Variants in ASMT observed in about 807,000 individuals in gnomAD.
ASMT encodes the protein acetylserotonin O-methyltransferase.
A neutral mutation model predicts 41.3 loss-of-function variants in ASMT; 53 were observed. That is an observed-to-expected ratio of 1.28 (90% confidence interval 1.03 to 1.61). The LOEUF is 1.61. Ranked by LOEUF, ASMT falls within the 40% of genes most tolerant of loss-of-function variation. The probability of loss-of-function intolerance (pLI) is 0.00; values close to 1 mark genes in which losing one functional copy is unlikely to be tolerated. For synonymous variants in ASMT, 231 were observed against 184.8 expected (o/e 1.25, Z -2.03); for missense variants, 531 against 441.3 (o/e 1.20, Z -1.82).
intron 4 of ASMT, among the ~76,000 whole-genome samples, chrX:1,628,315 C>G (rs1438092929): frequency 9.9e-5 from 15 of 152,250 alleles, no homozygotes; most frequent in Middle Eastern, 3.4e-3. Context: ...GAGTGAAACT[C>G]CATCTCAAAA....
At chrX:1,640,541 G>A (rs768015556) in intron 8 of ASMT, among the ~76,000 whole-genome samples, 3,469 of 44,320 alleles carry the variant, frequency 0.078, 94 homozygotes, top group Non-Finnish European at 0.088. Context: ...TGTGTATGAT[G>A]GGGACAGTGT....
chrX:1,616,454 G>A (rs1321095128), intron 1 of ASMT, among the ~76,000 whole-genome samples: 18 of 151,416 alleles, frequency 1.2e-4, no homozygotes, highest in East Asian at 1.9e-4. Flanking sequence ...GCAGGACTGC[G>A]GAGGGAGTGT....
chrX:1,629,920 A>G lies in ASMT; in HGVS notation c.543A>G (p.Pro181=). ...CCGCCTTTGACCTGTCAGTGTTCCC[A>G]CTTATGTGTGACCTTGGTGGTAAGT... ...VLTAFDLSVF[P]LMCDLGGTWI... The change falls in exon 5 of 9, where the codon CCA becomes CCG. Residue 181 remains proline, a synonymous_variant. Coordinates refer to ENST00000381241, the MANE Select transcript of ASMT (RefSeq NM_001171038.2). 2 of 1,613,828 alleles carry G rather than the reference A, an allele frequency of 1.2e-6. No individual in the cohort carries two copies. The highest frequency in any genetic ancestry group is 1.7e-6 in the Non-Finnish European group (2 of 1,179,800).
At position 1,615,151 on chromosome X, in the gene ASMT, A is replaced by G. The variant is rs1313192261; in HGVS notation, c.-49A>G. ...TTGCCAGCAGGCTCTGTGCTCCTTG[A>G]AGCAAGCGCTCCAGAGGCTCCGGAA... On this transcript the variant is annotated 5_prime_UTR_variant, in exon 1 of 9. Transcript: ENST00000381241. The G allele has an allele frequency of 6.5e-7, 1 of 1,537,444 alleles. No individual in the cohort carries two copies. The highest frequency in any genetic ancestry group is 1.4e-5 in the African/African-American group (1 of 73,200).
rs369919139 is a variant in ASMT at position 1,627,756 on chromosome X, T to C, written c.428T>C (p.Phe143Ser). The change falls in exon 4 of 9, where the codon TTT (phenylalanine) becomes TCT (serine). Residue 143 changes from phenylalanine (F) to serine (S), a missense_variant. Physicochemically the swap from Phe to Ser is radical, Grantham distance 155. Transcript: ENST00000381241. ...ETFGVPAEEL[F>S]TAIYRSEGER... ...TTTGGCGTTCCCGCTGAAGAGCTTT[T>C]TACGGCCATCTACAGGTAACACCCA... 1.3e-4 allele frequency: 209 copies of C among 1,613,864 alleles called. No individual in the cohort carries two copies. Among genetic ancestry groups the C allele is most frequent in the Non-Finnish European group, 1.7e-4 (201 of 1,179,852 alleles).
At chrX:1,615,584 C>T (rs1374132152) in intron 1 of ASMT, among the ~76,000 whole-genome samples, 2 of 151,984 alleles carry the variant, frequency 1.3e-5, no homozygotes, top group Non-Finnish European at 2.9e-5. Context: ...GGGCGGATCA[C>T]CTGAGGTCGG....
chrX:1,637,103 G>A (rs1935014939), intron 8 of ASMT, among the ~76,000 whole-genome samples: 1 of 107,566 alleles, frequency 9.3e-6, no homozygotes. Context: ...CTGTGTCCCA[G>A]CTCTCCTGTG....
intron 4 of ASMT, 41 bp from the exon 5 acceptor site, chrX:1,629,780 C>A: frequency 6.3e-7 from 1 of 1,594,644 alleles, no homozygotes; most frequent in Non-Finnish European, 8.6e-7. Flanking sequence ...GGCACGTCCC[C>A]AGATCCTCAC....
chrX:1,628,830 T>TCTC (rs34243739), intron 4 of ASMT, among the ~76,000 whole-genome samples: 105,137 of 146,434 alleles, frequency 0.72, 37,370 homozygotes, highest in Middle Eastern at 0.78. Flanking sequence ...TCTCCCGTCT[T>TCTC]CTTTCTCTCA....
chrX:1,627,633 CGAAAT>C (rs542448808), intron 3 of ASMT, 65 bp from the exon 4 acceptor site: 13,004 of 1,199,370 alleles, frequency 0.011, 110 homozygotes, highest in African/African-American at 0.021. Flanking sequence ...CGAAATGAAA[CGAAAT>C]GAAATGAAAT....
In ASMT at chrX:1,642,914, C is replaced by A. The variant is rs1225283581; in HGVS notation, c.1022C>A (p.Thr341Asn). ...MLVQTEGQER[T>N]PTHYHMLLSS... Reference sequence around the variant, plus strand: ...GTGCAGACGGAAGGGCAGGAGAGGACCCCCACCCACTACCACATGCTCCTC... The same window carrying A: ...GTGCAGACGGAAGGGCAGGAGAGGAACCCCACCCACTACCACATGCTCCTC... The change falls in exon 9 of 9, where the codon ACC becomes AAC. Residue 341 changes from threonine (T) to asparagine (N), a missense_variant. By Grantham distance (65) the Thr-to-Asn change is moderately conservative (BLOSUM62 0). Coordinates refer to ENST00000381241, the MANE Select transcript of ASMT (RefSeq NM_001171038.2). 5.0e-6 allele frequency: 8 copies of A among 1,613,830 alleles called. No homozygotes were observed. The highest frequency in any genetic ancestry group is 4.0e-5 in the African/African-American group (3 of 74,926).
Position 1,629,930 on chromosome X carries a change from G to T in ASMT, c.553G>T (p.Asp185Tyr), listed in dbSNP as rs764224854. The change falls in exon 5 of 9, where the codon GAC becomes TAC. Residue 185 changes from aspartate to tyrosine, a missense_variant. Transcript: ENST00000381241. ...FDLSVFPLMC[D>Y]LGGTWIKLET... Reference sequence around the variant, plus strand: ...CCTGTCAGTGTTCCCACTTATGTGTGACCTTGGTGGTAAGTACCCCTCACC... The same window carrying T: ...CCTGTCAGTGTTCCCACTTATGTGTTACCTTGGTGGTAAGTACCCCTCACC... The T allele has an allele frequency of 6.2e-7, 1 of 1,613,846 alleles. No individual in the cohort carries two copies. Among genetic ancestry groups the T allele is most frequent in the Non-Finnish European group, 8.5e-7 (1 of 1,179,734 alleles).
chrX:1,615,342 C>G (rs1484235330), intron 1 of ASMT, 74 bp downstream of exon 1: 3 of 1,388,428 alleles, frequency 2.2e-6, no homozygotes, highest in Non-Finnish European at 3.0e-6. Context: ...TTGTGTCAGT[C>G]GAGAAAAATG....
chrX:1,636,597 G>C, intron 8 of ASMT, 37 bp downstream of exon 8: 5 of 1,613,684 alleles, frequency 3.1e-6, no homozygotes, highest in Non-Finnish European at 4.2e-6. Flanking sequence ...GTGTGCTTGT[G>C]ACACGGGGCA....
chrX:1,633,309 G>A lies in ASMT; in HGVS notation c.787+19G>A, dbSNP rs1344098040. ...CAGGAAGGTGTGTTTGTGTCCGTGG[G>A]GAAGCAGAGATGTGTCTCACGGCTT... On this transcript the variant is annotated intron_variant, in intron 7 of 8. Transcript: ENST00000381241. 2 of 1,613,828 alleles carry A rather than the reference G, an allele frequency of 1.2e-6. No individual in the cohort carries two copies. Among genetic ancestry groups the A allele is most frequent in the Non-Finnish European group, 1.7e-6 (2 of 1,179,798 alleles).
intron 8 of ASMT, among the ~76,000 whole-genome samples, chrX:1,642,490 G>C (rs1395431511): frequency 6.7e-6 from 1 of 150,286 alleles, no homozygotes; most frequent in Non-Finnish European, 1.5e-5. Flanking sequence ...TGGCCCATGA[G>C]GATGTGGGCA....
At chrX:1,619,589 A>ATAATAATAAT (rs1342931676) in intron 1 of ASMT, among the ~76,000 whole-genome samples, 1 of 146,776 alleles carries the variant, frequency 6.8e-6, no homozygotes, top group African/African-American at 2.5e-5. Flanking sequence ...AATAATAATA[A>ATAATAATAAT]AAAGTCTTTG....
intron 4 of ASMT, among the ~76,000 whole-genome samples, chrX:1,629,153 G>A (rs1355983014): frequency 6.6e-6 from 1 of 151,830 alleles, no homozygotes; most frequent in African/African-American, 2.4e-5. Flanking sequence ...GGGGGCACAA[G>A]TACCCATGTC....
At chrX:1,636,207 T>TG in intron 7 of ASMT, 1 of 605,838 alleles carries the variant, frequency 1.7e-6, no homozygotes, top group Non-Finnish European at 3.1e-6. Flanking sequence ...TCTGCCCACC[T>TG]CCGCCTCCCA....
Sources: allele counts gnomAD v4.1 joint callset (sites outside exome capture counted in the v4.1 genomes callset), GRCh38; gene constraint gnomAD v4.1.1; transcripts MANE v1.5; gene names NCBI Gene and HGNC (gene_info 2026-07-23, HGNC 2026-07-21).